Variants in RETREG1 observed in about 807,000 individuals in gnomAD.
RETREG1 encodes the protein family with sequence similarity 134 member B.
A neutral mutation model predicts 54.8 loss-of-function variants in RETREG1; 44 were observed. That is an observed-to-expected ratio of 0.80 (90% confidence interval 0.63 to 1.03). RETREG1 has a LOEUF of 1.03. Ranked by LOEUF, RETREG1 falls within the 50% of genes least tolerant of loss-of-function variation. The pLI is 0.00. For synonymous variants in RETREG1, 217 were observed against 238.5 expected (o/e 0.91, Z 0.83); for missense variants, 554 against 605.1 (o/e 0.92, Z 0.89).
Position 16,531,543 on chromosome 5 carries a change from A to G in RETREG1, c.458+34220T>C, listed in dbSNP as rs113498364. 6.6e-3 allele frequency among the ~76,000 whole-genome samples: 1,002 copies of G among 152,224 alleles called. 12 individuals carry two copies. The highest frequency in any genetic ancestry group is 0.023 in the African/African-American group (969 of 41,522). On this transcript the variant is annotated intron_variant, in intron 3 of 8. Coordinates refer to ENST00000306320, the MANE Select transcript of RETREG1 (RefSeq NM_001034850.3). ...TGTGATGCAGGCTATTATGAGGGGG[A>G]AAGTACAGAGTGAGACAGAAATCCA...
In RETREG1 at chr5:16,594,974, T is replaced by C. The variant is rs957002592; in HGVS notation, c.320+21678A>G. Among the ~76,000 whole-genome samples, 1 of 152,216 alleles carries C rather than the reference T, an allele frequency of 6.6e-6. No individual in the cohort carries two copies. The highest frequency in any genetic ancestry group is 6.5e-5 in the Admixed American group (1 of 15,276). Reference sequence around the variant, plus strand: ...CCAGACTGCAGTGAATATCCCAAGATATACCCATCCAGGTTACAGAAACTC... The same window carrying C: ...CCAGACTGCAGTGAATATCCCAAGACATACCCATCCAGGTTACAGAAACTC... On this transcript the variant is annotated intron_variant, in intron 1 of 8. Coordinates refer to ENST00000306320, the MANE Select transcript of RETREG1 (RefSeq NM_001034850.3). The surrounding 1 kb of genome is among the most constrained non-coding windows in gnomAD (Gnocchi z 4.4).
At chr5:16,560,630 G>A (rs1216056975) in intron 3 of RETREG1, among the ~76,000 whole-genome samples, 1 of 152,200 alleles carries the variant, frequency 6.6e-6, no homozygotes, top group Non-Finnish European at 1.5e-5. Flanking sequence ...ATGTGAGGGG[G>A]AGGTTTCTGA....
At chr5:16,531,602 G>C (rs1740918424) in intron 3 of RETREG1, among the ~76,000 whole-genome samples, 1 of 152,112 alleles carries the variant, frequency 6.6e-6, no homozygotes, top group African/African-American at 2.4e-5. Context: ...TTGGAGGTCT[G>C]GGGGGTGGCA....
chr5:16,518,392 G>A lies in RETREG1; in HGVS notation c.459-34920C>T, dbSNP rs1165055051. Among the ~76,000 whole-genome samples the A allele has an allele frequency of 2.0e-5, 3 of 151,432 alleles. No individual in the cohort carries two copies. The East Asian group carries it at 5.8e-4, about 29-fold the overall frequency. The stretch of plus-strand genomic sequence containing the variant: ...AGGGGGAGAGGATGGGTGAAGGGAA[G>A]GGAGGAGAGGAGAAAAAGAGAAAGA... On this transcript the variant is annotated intron_variant, in intron 3 of 8. Coordinates refer to ENST00000306320, the MANE Select transcript of RETREG1 (RefSeq NM_001034850.3).
intron 3 of RETREG1, among the ~76,000 whole-genome samples, chr5:16,517,284 A>C (rs1335600522): frequency 6.6e-6 from 1 of 152,182 alleles, no homozygotes; most frequent in Non-Finnish European, 1.5e-5. Context: ...GCCTGACCTG[A>C]ACACTCTTGA....
intron 3 of RETREG1, among the ~76,000 whole-genome samples, chr5:16,486,944 C>T (rs752114812): frequency 5.3e-5 from 8 of 152,080 alleles, no homozygotes; most frequent in South Asian, 2.1e-4. Context: ...TGAGTTGCTA[C>T]GTAATGAAAC....
intron 1 of RETREG1, among the ~76,000 whole-genome samples, chr5:16,606,346 A>G (rs977571570): frequency 6.6e-6 from 1 of 151,596 alleles, no homozygotes; most frequent in Non-Finnish European, 1.5e-5. Flanking sequence ...TGGTAATTCA[A>G]TCTCCCCAAC....
At chr5:16,548,304 G>A (rs1382691089) in intron 3 of RETREG1, among the ~76,000 whole-genome samples, 1 of 152,132 alleles carries the variant, frequency 6.6e-6, no homozygotes, top group Non-Finnish European at 1.5e-5. Context: ...AGGTGGAGGC[G>A]TGAAATGTAC....
intron 3 of RETREG1, among the ~76,000 whole-genome samples, chr5:16,541,333 A>G (rs949041664): frequency 1.3e-5 from 2 of 152,136 alleles, no homozygotes; most frequent in Non-Finnish European, 2.9e-5. Flanking sequence ...CTGCAGCCCA[A>G]ATGGACCAAG....
chr5:16,520,454 C>T (rs750118550), intron 3 of RETREG1, among the ~76,000 whole-genome samples: 119 of 152,158 alleles, frequency 7.8e-4, no homozygotes, highest in African/African-American at 2.0e-3. Context: ...CTCAGCCTCC[C>T]GAGTAGCGGG....
rs576155284 is a variant in RETREG1, at chr5:16,610,590, G to A, written c.320+6062C>T. Among the ~76,000 whole-genome samples, 81 of 152,282 alleles carry A rather than the reference G, an allele frequency of 5.3e-4. No individual in the cohort carries two copies. In the Middle Eastern group the frequency reaches 0.017, roughly 32 times the overall value. ...AAATCGAACAACCCCATCAAAAAGTGGGCGAAGGATATGAACAGACACTTC... is the reference window on the plus strand; with the variant it reads ...AAATCGAACAACCCCATCAAAAAGTAGGCGAAGGATATGAACAGACACTTC... On this transcript the variant is annotated intron_variant, in intron 1 of 8. Transcript: ENST00000306320.
intron 3 of RETREG1, among the ~76,000 whole-genome samples, chr5:16,541,352 CT>C (rs1741238028): frequency 6.6e-6 from 1 of 152,166 alleles, no homozygotes; most frequent in Non-Finnish European, 1.5e-5. Flanking sequence ...AGACAATTCA[CT>C]AAAACGAACT....
In RETREG1 at chr5:16,572,039, A is replaced by T. The variant is rs1192366029; in HGVS notation, c.384T>A (p.Val128=). 6.2e-7 allele frequency: 1 copy of T among 1,613,894 alleles called. No individual in the cohort carries two copies. The highest frequency in any genetic ancestry group is 2.2e-5 in the East Asian group (1 of 44,884). ...CCATATCCTTTATTATTTGCATAAT[A>T]ACACGCCCAAGTATCATGACGGAAA... The part of the protein sequence containing the change: ...HLISVMILGR[V]IMQIIKDMVL... Residue 128 remains valine, a synonymous_variant, in exon 2 of 9, where the codon GTT becomes GTA. Transcript: ENST00000306320.
chr5:16,613,983 C>G (rs1224983470), intron 1 of RETREG1, among the ~76,000 whole-genome samples: 1 of 151,906 alleles, frequency 6.6e-6, no homozygotes, highest in Non-Finnish European at 1.5e-5. Flanking sequence ...GCAAAAGCAA[C>G]AAGTAATTCT....
intron 3 of RETREG1, among the ~76,000 whole-genome samples, chr5:16,494,600 C>A (rs944452814): frequency 2.6e-5 from 4 of 152,208 alleles, no homozygotes; most frequent in Non-Finnish European, 4.4e-5. Flanking sequence ...TTCTTCTTTG[C>A]CTTCTGCCAT....
chr5:16,586,385 G>A (rs985438304), intron 1 of RETREG1, among the ~76,000 whole-genome samples: 7 of 152,102 alleles, frequency 4.6e-5, no homozygotes, highest in South Asian at 2.1e-4. Flanking sequence ...CCTCTGCCTC[G>A]GTATTTTCAT....
chr5:16,516,867 G>A (rs185844258), intron 3 of RETREG1, among the ~76,000 whole-genome samples: 1 of 152,284 alleles, frequency 6.6e-6, no homozygotes, highest in East Asian at 1.9e-4. Flanking sequence ...TTGGGAGGCA[G>A]AGTTGGGAGG....
At chr5:16,535,377 G>C (rs1326955091) in intron 3 of RETREG1, among the ~76,000 whole-genome samples, 3 of 129,820 alleles carry the variant, frequency 2.3e-5, no homozygotes, top group Admixed American at 7.8e-5. Context: ...GCGTGCATGG[G>C]GCCTTCGCAA....
rs192701635 is a variant in RETREG1 at position 16,497,109 on chromosome 5, T to C, written c.459-13637A>G. Reference sequence around the variant, plus strand: ...CTACTCTAATAGAACCTCCCATTTATTGAGCACACACCAAGTGCTAGGCAT... The same window carrying C: ...CTACTCTAATAGAACCTCCCATTTACTGAGCACACACCAAGTGCTAGGCAT... On this transcript the variant is annotated intron_variant, in intron 3 of 8. Coordinates refer to ENST00000306320, the MANE Select transcript of RETREG1 (RefSeq NM_001034850.3). Among the ~76,000 whole-genome samples the C allele has an allele frequency of 9.2e-5, 14 of 152,316 alleles. No individual in the cohort carries two copies. In the East Asian group the frequency reaches 1.9e-3, roughly 21 times the overall value.
Sources: allele counts gnomAD v4.1 joint callset (sites outside exome capture counted in the v4.1 genomes callset), GRCh38; gene constraint gnomAD v4.1.1; non-coding constraint Gnocchi (gnomAD v3.1); transcripts MANE v1.5; gene names NCBI Gene and HGNC (gene_info 2026-07-23, HGNC 2026-07-21).